The following PAK1 variants were observed in gnomAD, a reference collection of about 807,000 sequenced individuals.
PAK1 encodes the protein serine/threonine-protein kinase PAK 1.
A neutral mutation model predicts 67.4 loss-of-function variants in PAK1; 29 were observed. The ratio of observed to expected loss-of-function variants is 0.43; its 90% CI spans 0.32 to 0.59. The LOEUF is 0.59. Among genes scored for constraint, PAK1 ranks in the 20% least tolerant of loss-of-function variants. The pLI is 0.07. For missense variants in PAK1, 337 were observed against 670.7 expected (o/e 0.50, Z 5.50); for synonymous variants, 223 against 237.4 (o/e 0.94, Z 0.56).
chr11:77,490,363 C>T, the PAK1 span, among the ~76,000 whole-genome samples: 235 of 145,776 alleles, frequency 1.6e-3, 2 homozygotes, highest in Middle Eastern at 3.7e-3. Flanking sequence ...CCAGCCGCCC[C>T]GTCCGGGAGG....
chr11:77,521,555 C>T, the PAK1 span, among the ~76,000 whole-genome samples: 1 of 151,788 alleles, frequency 6.6e-6, no homozygotes, highest in African/African-American at 2.4e-5. Context: ...TGTCAGGAGG[C>T]GGGTGGTGCA....
intron 1 of PAK1, among the ~76,000 whole-genome samples, chr11:77,411,580 A>G (rs544059727): frequency 2.6e-4 from 39 of 152,208 alleles, no homozygotes; most frequent in African/African-American, 9.4e-4. Flanking sequence ...ATTCCAGTGC[A>G]GGCCTAGCCC....
intron 5 of PAK1, among the ~76,000 whole-genome samples, chr11:77,369,101 A>G (rs1397505505): frequency 2.0e-5 from 3 of 152,098 alleles, no homozygotes; most frequent in Non-Finnish European, 4.4e-5. Flanking sequence ...TTTTTCCACT[A>G]TTTCTAATGA....
At chr11:77,352,354 C>G (rs575223163) in intron 8 of PAK1, among the ~76,000 whole-genome samples, 22 of 152,202 alleles carry the variant, frequency 1.4e-4, no homozygotes, top group Non-Finnish European at 2.8e-4. Flanking sequence ...AAATAACAGC[C>G]AAACACTTTA....
intron 7 of PAK1, among the ~76,000 whole-genome samples, chr11:77,355,023 G>T (rs1048382478): frequency 1.3e-5 from 2 of 152,116 alleles, no homozygotes; most frequent in African/African-American, 2.4e-5. Flanking sequence ...TCTACTTACA[G>T]GAACAAAAAC....
At chr11:77,487,698 TC>T in the PAK1 span, among the ~76,000 whole-genome samples, 1 of 151,950 alleles carries the variant, frequency 6.6e-6, no homozygotes, top group Non-Finnish European at 1.5e-5. Flanking sequence ...AGGGAGAGAT[TC>T]TTCTGCAAAG....
intron 6 of PAK1, among the ~76,000 whole-genome samples, chr11:77,356,642 C>T (rs758020917): frequency 1.3e-5 from 2 of 152,126 alleles, no homozygotes; most frequent in African/African-American, 2.4e-5. Flanking sequence ...GGTAATCAGA[C>T]TCATCCCCAG....
chr11:77,495,217 T>C, the PAK1 span, among the ~76,000 whole-genome samples: 2 of 151,258 alleles, frequency 1.3e-5, no homozygotes, highest in African/African-American at 4.9e-5. Flanking sequence ...CTCACACCTG[T>C]AATCCCAGCA....
chr11:77,360,457 AT>A (rs1946631844), intron 5 of PAK1, among the ~76,000 whole-genome samples: 1 of 152,120 alleles, frequency 6.6e-6, no homozygotes, highest in Non-Finnish European at 1.5e-5. Flanking sequence ...GTATTTCGAT[AT>A]TTTTCTGCTC....
Position 77,323,173 on chromosome 11 carries a change from G to C in PAK1, c.*101C>G, listed in dbSNP as rs777038743. 6 of 1,569,402 alleles carry C rather than the reference G, an allele frequency of 3.8e-6. No individual in the cohort carries two copies. In the South Asian group the frequency reaches 7.0e-5, roughly 18 times the overall value. Reference sequence around the variant, plus strand: ...AGGAGTGCTAGATCAGGAAATGGGAGAAGCAAGGCAAGGAGAAGAGGGCAT... The same window carrying C: ...AGGAGTGCTAGATCAGGAAATGGGACAAGCAAGGCAAGGAGAAGAGGGCAT... On this transcript the variant is annotated 3_prime_UTR_variant, in exon 15 of 15. Transcript: ENST00000356341.
intron 1 of PAK1, among the ~76,000 whole-genome samples, chr11:77,443,856 C>T (rs1956472597): frequency 6.6e-6 from 1 of 152,112 alleles, no homozygotes; most frequent in Non-Finnish European, 1.5e-5. Context: ...GTCTAGGGCA[C>T]CAAGCAGCTG....
chr11:77,430,671 G>T (rs1296096147), intron 1 of PAK1, among the ~76,000 whole-genome samples: 1 of 152,240 alleles, frequency 6.6e-6, no homozygotes, highest in Non-Finnish European at 1.5e-5. Flanking sequence ...AGTTGTGATT[G>T]CTGACTCTTC....
At chr11:77,382,784 G>T (rs1038759051) in intron 2 of PAK1, among the ~76,000 whole-genome samples, 1 of 152,132 alleles carries the variant, frequency 6.6e-6, no homozygotes, top group Non-Finnish European at 1.5e-5. Flanking sequence ...GATCACTTGA[G>T]GTCAGGAGTT....
the PAK1 span, among the ~76,000 whole-genome samples, chr11:77,513,556 A>C: frequency 6.7e-6 from 1 of 149,986 alleles, no homozygotes; most frequent in East Asian, 2.0e-4. Flanking sequence ...CTGTAGTCCC[A>C]GCTTCTAGGG....
chr11:77,455,004 GTCTCTCTC>G (rs944315116), intron 1 of PAK1, among the ~76,000 whole-genome samples: 102 of 151,994 alleles, frequency 6.7e-4, no homozygotes, highest in African/African-American at 2.4e-3. Context: ...CTCTCTCTCT[GTCTCTCTC>G]ATCCACTGGT....
At chr11:77,453,412 T>C (rs1258476379) in intron 1 of PAK1, among the ~76,000 whole-genome samples, 2 of 151,922 alleles carry the variant, frequency 1.3e-5, no homozygotes, top group Non-Finnish European at 2.9e-5. Context: ...AGTTTCTTTA[T>C]ATATAAAGCA....
chr11:77,379,223 T>C lies in PAK1; in HGVS notation c.439+18A>G. The stretch of plus-strand genomic sequence containing the variant: ...AAACCATCTCTTGCTGAGACTGCCC[T>C]GGACGCAGTTCTCATACCTGTAAAG... On this transcript the variant is annotated intron_variant, in intron 4 of 14. Coordinates refer to ENST00000356341, the MANE Select transcript of PAK1 (RefSeq NM_002576.5). 1 of 1,594,666 alleles carries C rather than the reference T, an allele frequency of 6.3e-7. No homozygotes were observed. Among genetic ancestry groups the C allele is most frequent in the African/African-American group, 1.3e-5 (1 of 74,276 alleles).
intron 14 of PAK1, 62 bp from the exon 15 acceptor site, chr11:77,323,422 T>C (rs1208617337): frequency 9.0e-7 from 1 of 1,109,754 alleles, no homozygotes; most frequent in Non-Finnish European, 1.4e-6. Context: ...CAGTAACCAT[T>C]ACAAGACATA....
chr11:77,363,856 T>C (rs1231805163), intron 5 of PAK1, among the ~76,000 whole-genome samples: 1 of 152,210 alleles, frequency 6.6e-6, no homozygotes, highest in Non-Finnish European at 1.5e-5. Flanking sequence ...TCCTGAACTT[T>C]GGGTTAAAAA....
Sources: allele counts gnomAD v4.1 joint callset (sites outside exome capture counted in the v4.1 genomes callset), GRCh38; gene constraint gnomAD v4.1.1; transcripts MANE v1.5; gene names NCBI Gene and HGNC (gene_info 2026-07-23, HGNC 2026-07-21).